Variants in OPN3 observed in about 807,000 individuals in gnomAD.
OPN3 encodes opsin 3, also known as opsin-3.
In OPN3, 29 loss-of-function variants were observed where a neutral mutation model predicts 33.8. The ratio of observed to expected loss-of-function variants is 0.86; its 90% CI spans 0.64 to 1.17. The LOEUF is 1.17. Among genes scored for constraint, OPN3 ranks in the 50% most tolerant of loss-of-function variants. The probability of loss-of-function intolerance (pLI) is 0.00; values close to 1 mark genes in which losing one functional copy is unlikely to be tolerated. For missense variants in OPN3, 437 were observed against 514.1 expected (o/e 0.85, Z 1.45); for synonymous variants, 216 against 216.1 (o/e 1.00, Z 0.00).
intron 1 of OPN3, among the ~76,000 whole-genome samples, chr1:241,638,602 G>C (rs911155720): frequency 6.6e-6 from 1 of 151,988 alleles, no homozygotes; most frequent in Admixed American, 6.6e-5. Flanking sequence ...TAATCCCATA[G>C]TCGTCCATAC....
rs757530757 is a variant in OPN3, at chr1:241,607,061, C to A, written c.374-2482G>T. ...TTTATACCATGACAGGTTTGTTCTT[C>A]TGTGGGAGTTGGAGGGTGGGGAGCA... On this transcript the variant is annotated intron_variant, in intron 1 of 3. Coordinates refer to ENST00000366554, the MANE Select transcript of OPN3 (RefSeq NM_014322.3). 2.3e-4 allele frequency among the ~76,000 whole-genome samples: 35 copies of A among 152,160 alleles called. 1 individual carries two copies. The highest frequency in any genetic ancestry group is 8.8e-5 in the Non-Finnish European group (6 of 68,026).
chr1:241,598,256 A>C (rs1395802166), intron 2 of OPN3, among the ~76,000 whole-genome samples: 2 of 151,886 alleles, frequency 1.3e-5, no homozygotes, highest in African/African-American at 4.8e-5. Context: ...GTTTTTTTTG[A>C]CGTTCTCTTA....
chr1:241,631,163 C>T (rs976258363), intron 1 of OPN3: 3 of 151,990 alleles, frequency 2.0e-5, no homozygotes, highest in African/African-American at 7.2e-5. Context: ...TTTTTAAATG[C>T]TTTTTATTGG....
rs532325054 is a variant in OPN3, at chr1:241,603,113, T to C, written c.693+1147A>G. ...AAGATACAAGGGAAAGAGAAAATTA[T>C]TAAGAAGTGTCTCTGGGGCATGGAA... is the stretch of plus-strand genomic sequence containing the variant. On this transcript the variant is annotated intron_variant, in intron 2 of 3. Coordinates refer to ENST00000366554, the MANE Select transcript of OPN3 (RefSeq NM_014322.3). Among the ~76,000 whole-genome samples, 7 of 152,138 alleles carry C rather than the reference T, an allele frequency of 4.6e-5. No homozygotes were observed. In the South Asian group the frequency reaches 1.5e-3, roughly 32 times the overall value.
At chr1:241,607,827 T>C (rs933371087) in intron 1 of OPN3, among the ~76,000 whole-genome samples, 1 of 151,950 alleles carries the variant, frequency 6.6e-6, no homozygotes, top group Non-Finnish European at 1.5e-5. Flanking sequence ...AGTAATGATA[T>C]AATAGCAAAT....
In OPN3 at chr1:241,604,574, C is replaced by G; in HGVS notation, c.379G>C (p.Val127Leu). ...AGCACGGTTAGGGTGGCAATGGAAA[C>G]AATCCCTGCAAGAAGAGAAAGTGGA... ...DGFSGSLFGI[V>L]SIATLTVLAY... is the part of the protein sequence containing the mutation. Residue 127 changes from valine (V) to leucine (L), a missense_variant, in exon 2 of 4, where the codon GTT becomes CTT. Physicochemically the swap from Val to Leu is conservative, Grantham distance 32 (BLOSUM62 1). Coordinates refer to ENST00000366554, the MANE Select transcript of OPN3 (RefSeq NM_014322.3). The G allele has an allele frequency of 1.2e-6, 2 of 1,608,246 alleles. No individual in the cohort carries two copies. Among genetic ancestry groups the G allele is most frequent in the Non-Finnish European group, 1.7e-6 (2 of 1,176,144 alleles).
intron 1 of OPN3, among the ~76,000 whole-genome samples, chr1:241,611,890 G>A (rs924487037): frequency 6.6e-6 from 1 of 152,166 alleles, no homozygotes; most frequent in South Asian, 2.1e-4. Context: ...CTGGTTCTAG[G>A]GAAACCTAGT....
chr1:241,615,115 G>T (rs1237068749), intron 1 of OPN3, among the ~76,000 whole-genome samples: 2 of 151,598 alleles, frequency 1.3e-5, no homozygotes, highest in Non-Finnish European at 2.9e-5. Flanking sequence ...TGGGCTGAGT[G>T]GGAAAAAAGT....
rs201069837 is a variant in OPN3 at position 241,635,003 on chromosome 1, C to T, written c.373+4879G>A. On this transcript the variant is annotated intron_variant, in intron 1 of 3. Coordinates refer to ENST00000366554, the MANE Select transcript of OPN3 (RefSeq NM_014322.3). ...AGTGACATTTTTAAATTCTACATAA[C>T]GACTAACATCTGATTTGATTAAAAG... 112 of 1,613,498 alleles carry T rather than the reference C, an allele frequency of 6.9e-5. No individual in the cohort carries two copies. The highest frequency in any genetic ancestry group is 1.8e-4 in the East Asian group (8 of 44,860).
intron 3 of OPN3, among the ~76,000 whole-genome samples, chr1:241,597,472 C>T (rs910900894): frequency 6.6e-6 from 1 of 152,094 alleles, no homozygotes; most frequent in Non-Finnish European, 1.5e-5. Flanking sequence ...AACATTGTAG[C>T]TGTTATTACT....
intron 1 of OPN3, among the ~76,000 whole-genome samples, chr1:241,637,106 C>T (rs1188772800): frequency 6.6e-6 from 1 of 152,188 alleles, no homozygotes; most frequent in Non-Finnish European, 1.5e-5. Flanking sequence ...AGTCTTTAGG[C>T]TAAAGCAACA....
Position 241,594,398 on chromosome 1 carries a change from G to A in OPN3, c.*30C>T. ...AGTCCAAAAGTGGCATCCAATTTAA[G>A]GCCCCATCTTTCGTTGCCATTCTTC... is the stretch of plus-strand genomic sequence containing the variant. On this transcript the variant is annotated 3_prime_UTR_variant, in exon 4 of 4. Coordinates refer to ENST00000366554, the MANE Select transcript of OPN3 (RefSeq NM_014322.3). 6.3e-7 allele frequency: 1 copy of A among 1,599,086 alleles called. No homozygotes were observed. Among genetic ancestry groups the A allele is most frequent in the South Asian group, 1.1e-5 (1 of 88,796 alleles).
intron 1 of OPN3, among the ~76,000 whole-genome samples, chr1:241,612,652 T>A: frequency 6.6e-6 from 1 of 152,186 alleles, no homozygotes; most frequent in South Asian, 2.1e-4. Context: ...AAAATTATAG[T>A]TCCCCTTAAC....
At chr1:241,613,443 T>A (rs1399245412) in intron 1 of OPN3, among the ~76,000 whole-genome samples, 1 of 152,258 alleles carries the variant, frequency 6.6e-6, no homozygotes, top group Non-Finnish European at 1.5e-5. Flanking sequence ...ACTTGTTTTC[T>A]AATTCTTCTT....
chr1:241,608,165 T>C (rs1052364296), intron 1 of OPN3, among the ~76,000 whole-genome samples: 1 of 152,230 alleles, frequency 6.6e-6, no homozygotes, highest in Non-Finnish European at 1.5e-5. Context: ...TGATTTACAT[T>C]GAATACGATT....
intron 1 of OPN3, among the ~76,000 whole-genome samples, chr1:241,622,069 AG>A (rs1266729593): frequency 6.6e-6 from 1 of 152,112 alleles, no homozygotes; most frequent in East Asian, 1.9e-4. Context: ...ATAGTGATCA[AG>A]GGCACTGGTT....
chr1:241,597,018 G>A (rs547664895), intron 3 of OPN3, among the ~76,000 whole-genome samples: 272 of 151,780 alleles, frequency 1.8e-3, no homozygotes, highest in African/African-American at 6.0e-3. Flanking sequence ...TTGAGAGAGC[G>A]GGGCATCTCA....
chr1:241,635,552 C>T (rs1253592275), intron 1 of OPN3: 1 of 1,614,060 alleles, frequency 6.2e-7, no homozygotes, highest in Middle Eastern at 1.6e-4. Flanking sequence ...TACAACAGTA[C>T]TTTCTTCCCC....
At chr1:241,605,909 T>A (rs997039780) in intron 1 of OPN3, among the ~76,000 whole-genome samples, 125 of 152,270 alleles carry the variant, frequency 8.2e-4, no homozygotes, top group Non-Finnish European at 1.2e-3. Flanking sequence ...TAATTTTTTT[T>A]ATTTTTTAAC....
Sources: gnomAD v4.1 joint callset for allele counts (sites outside exome capture counted in the v4.1 genomes callset) on GRCh38, gnomAD v4.1.1 for gene constraint, MANE v1.5 for transcripts, NCBI Gene and HGNC (gene_info 2026-07-23, HGNC 2026-07-21) for gene names.